Variants in ESRRG observed in about 807,000 individuals in gnomAD.
ESRRG encodes estrogen-related receptor gamma.
In ESRRG, 13 loss-of-function variants were observed where a neutral mutation model predicts 44.0. The ratio of observed to expected loss-of-function variants is 0.30; its 90% CI spans 0.19 to 0.47. The LOEUF (loss-of-function observed/expected upper bound fraction) is 0.47. Ranked by LOEUF, ESRRG falls within the 20% of genes least tolerant of loss-of-function variation. The pLI is 1.00. For missense variants in ESRRG, 395 were observed against 580.6 expected (o/e 0.68, Z 3.29); for synonymous variants, 215 against 214.6 (o/e 1.00, Z -0.02).
chr1:216,763,445 C>T (rs1051391767), intron 2 of ESRRG, among the ~76,000 whole-genome samples: 3 of 151,856 alleles, frequency 2.0e-5, no homozygotes, highest in African/African-American at 7.3e-5. Context: ...CACTACCTAA[C>T]CAGTAAGGTG....
intron 2 of ESRRG, among the ~76,000 whole-genome samples, chr1:216,800,529 C>T (rs117563791): frequency 6.6e-6 from 1 of 152,192 alleles, no homozygotes; most frequent in East Asian, 1.9e-4. Context: ...ACGAAAGCAT[C>T]CCTTTAATAA....
intron 2 of ESRRG, among the ~76,000 whole-genome samples, chr1:216,803,734 C>T (rs1327743516): frequency 6.6e-6 from 1 of 152,052 alleles, no homozygotes; most frequent in Non-Finnish European, 1.5e-5. Context: ...CTCTGCCAGC[C>T]ATTCCTATTT....
At chr1:217,042,260 T>C (rs965010610) in intron 1 of ESRRG, among the ~76,000 whole-genome samples, 6 of 152,180 alleles carry the variant, frequency 3.9e-5, no homozygotes, top group Non-Finnish European at 5.9e-5. Flanking sequence ...ATGCAGATCC[T>C]GAGTTGCTAA....
chr1:216,694,358 C>T (rs1036901480), intron 1 of ESRRG, among the ~76,000 whole-genome samples: 10 of 151,974 alleles, frequency 6.6e-5, no homozygotes, highest in African/African-American at 2.4e-4. Context: ...CTGAAGAATA[C>T]TGTAGGGGAT....
upstream of ESRRG, chr1:217,090,495 G>A (rs1025296260): frequency 1.3e-5 from 2 of 152,248 alleles, no homozygotes; most frequent in African/African-American, 2.4e-5. Context: ...AGACACTCAT[G>A]TTCGCGGCTC....
intron 2 of ESRRG, among the ~76,000 whole-genome samples, chr1:216,913,388 G>T (rs564962574): frequency 6.6e-6 from 1 of 151,830 alleles, no homozygotes; most frequent in African/African-American, 2.4e-5. Context: ...CGGGGGTGGG[G>T]GTGGCTACTG....
intron 1 of ESRRG, among the ~76,000 whole-genome samples, chr1:217,058,828 A>G (rs2087711929): frequency 6.6e-6 from 1 of 151,266 alleles, no homozygotes; most frequent in Admixed American, 6.6e-5. Context: ...GGTAAATTTG[A>G]ATTGGAGTAC....
chr1:216,583,786 T>C (rs2063249614), intron 3 of ESRRG, among the ~76,000 whole-genome samples: 1 of 152,106 alleles, frequency 6.6e-6, no homozygotes, highest in African/African-American at 2.4e-5. Flanking sequence ...AGCCTGACAA[T>C]CATGGTGGAA....
chr1:216,754,838 C>A (rs1178297680), intron 2 of ESRRG, among the ~76,000 whole-genome samples: 1 of 150,528 alleles, frequency 6.6e-6, no homozygotes, highest in African/African-American at 2.4e-5. Flanking sequence ...CGTTCCTTTT[C>A]TATTTCAACT....
At chr1:216,953,449 AT>A (rs536863444) in intron 1 of ESRRG, among the ~76,000 whole-genome samples, 3 of 151,768 alleles carry the variant, frequency 2.0e-5, no homozygotes, top group Non-Finnish European at 2.9e-5. Flanking sequence ...TCCCATCATT[AT>A]TTTTTTTCAT....
intron 2 of ESRRG, among the ~76,000 whole-genome samples, chr1:216,776,534 A>G (rs1327439944): frequency 6.6e-6 from 1 of 152,114 alleles, no homozygotes; most frequent in Non-Finnish European, 1.5e-5. Context: ...CTTATTCGCC[A>G]TTGTGTCCAT....
At chr1:216,543,619 T>C (rs1036779985) in intron 5 of ESRRG, among the ~76,000 whole-genome samples, 1 of 152,050 alleles carries the variant, frequency 6.6e-6, no homozygotes, top group Non-Finnish European at 1.5e-5. Context: ...ATCACATTTT[T>C]TAATGTGTTT....
At chr1:216,512,686 G>A (rs1355518552) in intron 6 of ESRRG, among the ~76,000 whole-genome samples, 9 of 152,036 alleles carry the variant, frequency 5.9e-5, no homozygotes, top group East Asian at 3.9e-4. Context: ...TGTACTTATC[G>A]TGGTAGGCTG....
At chr1:216,682,741 T>TGTGTGTGTGTGTGTGTGTGTGTG (rs1553496190) in intron 1 of ESRRG, among the ~76,000 whole-genome samples, 18 of 151,104 alleles carry the variant, frequency 1.2e-4, no homozygotes, top group South Asian at 6.3e-4. Flanking sequence ...TGTGTGTGTG[T>TGTGTGTGTGTGTGTGTGTGTGTG]TTTATGCTTT....
chr1:217,073,394 T>C (rs2090864083), intron 1 of ESRRG, among the ~76,000 whole-genome samples: 1 of 151,580 alleles, frequency 6.6e-6, no homozygotes. Flanking sequence ...CAGCTTGGAG[T>C]TTCAAAGCTT....
chr1:217,069,531 A>C (rs1334972149), intron 1 of ESRRG, among the ~76,000 whole-genome samples: 1 of 152,042 alleles, frequency 6.6e-6, no homozygotes, highest in East Asian at 1.9e-4. Context: ...CCTAACCTTG[A>C]CTTTAACCTT....
chr1:216,770,756 A>G (rs6683574), intron 2 of ESRRG, among the ~76,000 whole-genome samples: 34,114 of 151,992 alleles, frequency 0.22, 4,086 homozygotes, highest in Admixed American at 0.31. Context: ...TTTGTACGTA[A>G]CTATTCAACA....
chr1:216,998,087 C>T (rs2076591207), intron 1 of ESRRG, among the ~76,000 whole-genome samples: 1 of 152,146 alleles, frequency 6.6e-6, no homozygotes, highest in East Asian at 1.9e-4. Flanking sequence ...ACCTTGGTGA[C>T]ATCATAGCTC....
intron 2 of ESRRG, among the ~76,000 whole-genome samples, chr1:216,881,143 A>G (rs2096440567): frequency 6.6e-6 from 1 of 152,224 alleles, no homozygotes; most frequent in African/African-American, 2.4e-5. Context: ...TACCAAAGAA[A>G]ATCTTGGTAA....
Sources: allele counts gnomAD v4.1 joint callset (sites outside exome capture counted in the v4.1 genomes callset), GRCh38; gene constraint gnomAD v4.1.1; transcripts MANE v1.5; gene names NCBI Gene and HGNC (gene_info 2026-07-23, HGNC 2026-07-21).